Variants in OPRM1 observed in about 807,000 individuals in gnomAD.
OPRM1 encodes the protein mu-type opioid receptor.
Under a neutral mutation model 31.8 loss-of-function variants are expected in OPRM1, and 27 were observed. The observed-to-expected ratio is 0.85, with a 90% CI of 0.63 to 1.17. The LOEUF (loss-of-function observed/expected upper bound fraction) is 1.17. Among genes scored for constraint, OPRM1 ranks in the 50% most tolerant of loss-of-function variants. The pLI is 0.00. For missense variants in OPRM1, 536 were observed against 511.1 expected, an observed-to-expected ratio of 1.05 and a Z score of -0.47; for synonymous variants, 196 against 189.9, an observed-to-expected ratio of 1.03 and a Z score of -0.26.
intron 3 of OPRM1, among the ~76,000 whole-genome samples, chr6:154,114,875 T>C (rs1796702425): frequency 6.7e-6 from 1 of 148,200 alleles, no homozygotes; most frequent in South Asian, 2.1e-4. Flanking sequence ...GGAATTCTAA[T>C]TAAAAAAAAA....
chr6:154,110,255 G>T, intron 3 of OPRM1: 2 of 608,654 alleles, frequency 3.3e-6, no homozygotes. Flanking sequence ...AAAAATCTAT[G>T]TACCTTTGGG....
At chr6:154,058,558 T>C (rs1209495652) in intron 1 of OPRM1, among the ~76,000 whole-genome samples, 1 of 152,150 alleles carries the variant, frequency 6.6e-6, no homozygotes, top group Non-Finnish European at 1.5e-5. Flanking sequence ...AAAGTAACAC[T>C]TTAGTAAATA....
chr6:154,119,438 A>T lies in OPRM1; in HGVS notation c.*717A>T. On this transcript the variant is annotated 3_prime_UTR_variant, in exon 4 of 4. Coordinates refer to ENST00000330432, the MANE Select transcript of OPRM1 (RefSeq NM_000914.5). ...TCATCATGGGGGATTTTTCATTCTT[A>T]GGCTTTCAGTGGTTTGTTCCTCAGT... 4 of 985,386 alleles carry T rather than the reference A, an allele frequency of 4.1e-6. No individual in the cohort carries two copies. Among genetic ancestry groups the T allele is most frequent in the Non-Finnish European group, 4.8e-6 (4 of 829,914 alleles). The allele number at this position is 985,386 out of a possible 1,614,324, so 61.0% of individuals were successfully genotyped here.
At chr6:154,025,605 C>CT (rs1263017496) in intron 1 of OPRM1, among the ~76,000 whole-genome samples, 1 of 151,864 alleles carries the variant, frequency 6.6e-6, no homozygotes, top group Non-Finnish European at 1.5e-5. Context: ...TATCTTCCTT[C>CT]TTTTTTCCAT....
intron 3 of OPRM1, chr6:154,214,239 C>T (rs777433578): frequency 1.2e-6 from 2 of 1,610,184 alleles, no homozygotes; most frequent in Admixed American, 3.3e-5. Flanking sequence ...GTAGTGGATT[C>T]CTGATGGATT....
chr6:154,198,615 C>G (rs549982137), intron 3 of OPRM1, among the ~76,000 whole-genome samples: 1 of 138,776 alleles, frequency 7.2e-6, no homozygotes, highest in African/African-American at 2.7e-5. Flanking sequence ...AATTTACATA[C>G]TTTTAAAATA....
intron 3 of OPRM1, among the ~76,000 whole-genome samples, chr6:154,188,266 T>C (rs913168779): frequency 1.3e-5 from 2 of 152,220 alleles, no homozygotes; most frequent in Non-Finnish European, 2.9e-5. Flanking sequence ...TTTAAAACTA[T>C]GAAATATATA....
At chr6:154,053,015 T>C (rs900149291) in intron 1 of OPRM1, among the ~76,000 whole-genome samples, 4 of 152,168 alleles carry the variant, frequency 2.6e-5, no homozygotes, top group African/African-American at 9.7e-5. Flanking sequence ...CACAAAATTA[T>C]CTCTATTTCA....
intron 3 of OPRM1, chr6:154,093,384 T>G: frequency 6.2e-7 from 1 of 1,614,134 alleles, no homozygotes. Flanking sequence ...TATCCTTCAC[T>G]CGTCCTGCCT....
intron 3 of OPRM1, among the ~76,000 whole-genome samples, chr6:154,192,308 C>T (rs1801960278): frequency 1.5e-5 from 2 of 132,582 alleles, no homozygotes; most frequent in African/African-American, 3.1e-5. Context: ...AAATGGTGGC[C>T]ACGTGGTTAC....
chr6:154,142,573 G>A (rs960598112), intron 3 of OPRM1, among the ~76,000 whole-genome samples: 6 of 152,066 alleles, frequency 3.9e-5, no homozygotes, highest in South Asian at 4.1e-4. Context: ...TCCAGTAGTC[G>A]ACCAGAATAT....
Position 154,016,625 on chromosome 6 carries a change from CTG to C in OPRM1, c.-1+5609_-1+5610del, listed in dbSNP as rs1778019961. 5.9e-5 allele frequency among the ~76,000 whole-genome samples: 9 copies of C among 152,256 alleles called. No individual in the cohort carries two copies. The South Asian group carries it at 1.7e-3, about 28-fold the overall frequency. ...ATTGCTGATAAAACATATTGCAACA[CTG>C]TAATTTATAGAAGTGAATTTGAAGA... On this transcript the variant is annotated intron_variant, in intron 1 of 5. Coordinates refer to the OPRM1 transcript ENST00000434900.
At chr6:154,181,834 G>A in intron 3 of OPRM1, among the ~76,000 whole-genome samples, 1 of 152,054 alleles carries the variant, frequency 6.6e-6, no homozygotes, top group East Asian at 1.9e-4. Context: ...GGACACTTGG[G>A]GATCATGAAC....
intron 3 of OPRM1, among the ~76,000 whole-genome samples, chr6:154,193,666 C>T (rs1013276611): frequency 6.6e-6 from 1 of 152,044 alleles, no homozygotes; most frequent in Admixed American, 6.6e-5. Flanking sequence ...ATTGAAGACC[C>T]CTCTGATAAC....
intron 1 of OPRM1, among the ~76,000 whole-genome samples, chr6:154,015,224 T>C (rs551857199): frequency 2.4e-4 from 37 of 152,026 alleles, no homozygotes; most frequent in African/African-American, 8.7e-4. Context: ...ATGGAGAGAG[T>C]GGCCAGTCTT....
At position 154,125,359 on chromosome 6, in the gene OPRM1, T is replaced by C. The variant is rs531171451; in HGVS notation, c.*6638T>C. Among the ~76,000 whole-genome samples, 1 of 152,358 alleles carries C rather than the reference T, an allele frequency of 6.6e-6. No homozygotes were observed. Among genetic ancestry groups the C allele is most frequent in the East Asian group, 1.9e-4 (1 of 5,190 alleles). ...TATCGTTTTCTACCTGCCCCACAAC[T>C]GTGTACATAAAACCTAAACCTCTGA... On this transcript the variant is annotated 3_prime_UTR_variant, in exon 4 of 4. Coordinates refer to ENST00000330432, the MANE Select transcript of OPRM1 (RefSeq NM_000914.5).
intron 1 of OPRM1, among the ~76,000 whole-genome samples, chr6:154,073,139 G>A (rs1259013156): frequency 6.6e-6 from 1 of 152,136 alleles, no homozygotes; most frequent in African/African-American, 2.4e-5. Context: ...TTCTCCCATT[G>A]CAGATAAACT....
chr6:154,104,196 T>G (rs938256873), intron 3 of OPRM1, among the ~76,000 whole-genome samples: 4 of 152,184 alleles, frequency 2.6e-5, no homozygotes, highest in Admixed American at 1.3e-4. Flanking sequence ...TCAGAAAGCA[T>G]CAGTATGGCG....
chr6:154,057,703 T>C (rs937179495), intron 1 of OPRM1, among the ~76,000 whole-genome samples: 12 of 152,210 alleles, frequency 7.9e-5, no homozygotes, highest in African/African-American at 2.9e-4. Flanking sequence ...ATAGTAAGGA[T>C]ATCGGCACAG....
Sources: allele counts gnomAD v4.1 joint callset (sites outside exome capture counted in the v4.1 genomes callset), GRCh38; gene constraint gnomAD v4.1.1; transcripts MANE v1.5; gene names NCBI Gene and HGNC (gene_info 2026-07-23, HGNC 2026-07-21).